Variants in TRIM37 observed in about 807,000 individuals in gnomAD.
TRIM37 encodes E3 ubiquitin-protein ligase TRIM37.
In TRIM37, 80 loss-of-function variants were observed where a neutral mutation model predicts 129.8. That is an observed-to-expected ratio of 0.62 (90% confidence interval 0.51 to 0.74). TRIM37 has a LOEUF of 0.74. TRIM37 is among the 30% of genes least tolerant of loss of function. TRIM37 has a pLI of 0.00. For synonymous variants in TRIM37, 389 were observed against 387.1 expected (o/e 1.00, Z -0.06); for missense variants, 1,054 against 1,176.5 (o/e 0.90, Z 1.52).
intron 17 of TRIM37, among the ~76,000 whole-genome samples, chr17:59,038,013 A>T (rs1175121511): frequency 1.3e-5 from 2 of 152,208 alleles, no homozygotes; most frequent in African/African-American, 4.8e-5. Flanking sequence ...TACTACAGAT[A>T]TAAAGTACCA....
At chr17:58,972,751 TA>T in the TRIM37 span, 1 of 1,248,544 alleles carries the variant, frequency 8.0e-7, no homozygotes, top group Non-Finnish European at 1.2e-6. Context: ...TGATGAGTAT[TA>T]TATCTGTTGT....
intron 6 of TRIM37, among the ~76,000 whole-genome samples, 158 bp from the exon 7 acceptor site, chr17:59,080,035 A>G (rs2043133012): frequency 6.6e-6 from 1 of 152,246 alleles, no homozygotes; most frequent in African/African-American, 2.4e-5. Context: ...AATGGCAGAC[A>G]TGCAATCAAA....
At chr17:59,051,368 A>G (rs1430442172) in intron 13 of TRIM37, 40 bp from the exon 14 acceptor site, 5 of 1,401,006 alleles carry the variant, frequency 3.6e-6, no homozygotes, top group Non-Finnish European at 5.1e-6. Context: ...AAATTCAAAT[A>G]GTAAAACATT....
At position 59,042,445 on chromosome 17, in the gene TRIM37, AAAAAAT is replaced by A. The variant is rs2039326399; in HGVS notation, c.1668-553_1668-548del. On this transcript the variant is annotated intron_variant, in intron 16 of 23. Coordinates refer to ENST00000262294, the MANE Select transcript of TRIM37 (RefSeq NM_015294.6). ...AAAAAGGAATTTAAAAAAAAAAAAA[AAAAAAT>A]ATATATATATATATATATATATATC... Among the ~76,000 whole-genome samples, 177 of 40,228 alleles carry A rather than the reference AAAAAAT, an allele frequency of 4.4e-3. 1 individual carries two copies. Among genetic ancestry groups the A allele is most frequent in the Non-Finnish European group, 6.8e-3 (142 of 20,902 alleles). 26.4% of individuals were successfully genotyped at this position (40,228 alleles called of 152,430 possible).
At chr17:59,074,927 T>C (rs1188354678) in intron 8 of TRIM37, among the ~76,000 whole-genome samples, 1 of 152,246 alleles carries the variant, frequency 6.6e-6, no homozygotes, top group Non-Finnish European at 1.5e-5. Context: ...TCTACAATGA[T>C]GCCTGCTATC....
At chr17:59,049,102 A>G (rs2040098040) in intron 15 of TRIM37, 76 bp downstream of exon 15, 9 of 1,187,618 alleles carry the variant, frequency 7.6e-6, no homozygotes, top group Non-Finnish European at 1.1e-5. Flanking sequence ...GTTTTAGCAC[A>G]TAATATGTTA....
intron 13 of TRIM37, among the ~76,000 whole-genome samples, chr17:59,055,622 C>T (rs2040784266): frequency 1.4e-5 from 2 of 138,364 alleles, no homozygotes; most frequent in South Asian, 2.4e-4. Context: ...GGTGTGAACC[C>T]GGGAGGCAGA....
chr17:59,081,004 G>A, intron 6 of TRIM37, 93 bp downstream of exon 6: 2 of 795,744 alleles, frequency 2.5e-6, no homozygotes, highest in Admixed American at 4.7e-5. Context: ...TGAAAACCTT[G>A]ATTTCAACAT....
At chr17:59,071,784 T>C (rs28437164) in intron 8 of TRIM37, among the ~76,000 whole-genome samples, 1,602 of 152,294 alleles carry the variant, frequency 0.011, 31 homozygotes, top group African/African-American at 0.036. Context: ...TACTAATTTT[T>C]TCTTCAAAAA....
chr17:58,974,527 G>T, the TRIM37 span, among the ~76,000 whole-genome samples: 12 of 152,222 alleles, frequency 7.9e-5, no homozygotes, highest in South Asian at 2.1e-4. Flanking sequence ...TTCTGTCTTT[G>T]TCTCACTTTG....
chr17:59,099,424 G>A (rs942990222), intron 2 of TRIM37, among the ~76,000 whole-genome samples: 1 of 150,792 alleles, frequency 6.6e-6, no homozygotes, highest in Non-Finnish European at 1.5e-5. Context: ...CAGACTTTCT[G>A]TTTGGGGTGA....
intron 22 of TRIM37, among the ~76,000 whole-genome samples, chr17:59,007,947 AAG>A (rs1342928704): frequency 2.6e-5 from 4 of 152,220 alleles, no homozygotes; most frequent in Non-Finnish European, 5.9e-5. Context: ...AGCTAAAATA[AAG>A]AGTCTTGTTT....
intron 17 of TRIM37, among the ~76,000 whole-genome samples, chr17:59,037,557 CAAA>C (rs58856834): frequency 0.12 from 8,301 of 70,380 alleles, 366 homozygotes; most frequent in East Asian, 0.17. Flanking sequence ...GACTCTGTCT[CAAA>C]AAAAAAAAAA....
chr17:58,985,780 T>C (rs2031748967), intron 24 of TRIM37, among the ~76,000 whole-genome samples: 2 of 152,118 alleles, frequency 1.3e-5, no homozygotes. Context: ...TACAATTAAT[T>C]TTACATAGTT....
chr17:58,986,178 C>T (rs1242294822), intron 24 of TRIM37, among the ~76,000 whole-genome samples: 6 of 152,034 alleles, frequency 3.9e-5, no homozygotes, highest in African/African-American at 1.2e-4. Flanking sequence ...CACCCGCCCC[C>T]TGTTGCTGTC....
intron 23 of TRIM37, among the ~76,000 whole-genome samples, chr17:59,000,197 T>C (rs1339445121): frequency 6.6e-6 from 1 of 152,242 alleles, no homozygotes; most frequent in East Asian, 1.9e-4. Flanking sequence ...ACTTATGGTA[T>C]ATCCACATGA....
Position 59,057,011 on chromosome 17 carries a change from G to A in TRIM37, c.1063C>T (p.Pro355Ser), listed in dbSNP as rs772526919. 3.1e-6 allele frequency: 5 copies of A among 1,613,272 alleles called. No homozygotes were observed. In the African/African-American group the frequency reaches 4.0e-5, roughly 13 times the overall value. Residue 355 changes from proline (P) to serine (S), a missense_variant, in exon 13 of 24, where the codon CCT (proline) becomes TCT (serine). This residue lies in a region of TRIM37 where 752 missense variants were observed against 870.8 expected (regional missense o/e 0.86). Coordinates refer to ENST00000262294, the MANE Select transcript of TRIM37 (RefSeq NM_015294.6). ...VEMVHQSCND[P>S]TKNIIREFAS... ...AATTCTCGAATGATATTTTTTGTAGGATCATTACAGGACTGGTGAACCATC... is the reference window on the plus strand; with the variant it reads ...AATTCTCGAATGATATTTTTTGTAGAATCATTACAGGACTGGTGAACCATC...
chr17:58,996,877 T>C (rs1335964245), downstream of TRIM37, among the ~76,000 whole-genome samples: 1 of 152,004 alleles, frequency 6.6e-6, no homozygotes, highest in African/African-American at 2.4e-5. Flanking sequence ...CCTGATGTGA[T>C]GCACTAAGGG....
intron 17 of TRIM37, among the ~76,000 whole-genome samples, chr17:59,041,238 G>C (rs1467342100): frequency 6.6e-6 from 1 of 152,160 alleles, no homozygotes; most frequent in Non-Finnish European, 1.5e-5. Flanking sequence ...GTTTTAGTTT[G>C]GGAGAAAAAT....
Sources: allele counts gnomAD v4.1 joint callset (sites outside exome capture counted in the v4.1 genomes callset), GRCh38; gene constraint gnomAD v4.1.1; regional missense constraint gnomAD v4.1.1; transcripts MANE v1.5; gene names NCBI Gene and HGNC (gene_info 2026-07-23, HGNC 2026-07-21).